The following PPARG variants were observed in gnomAD, a reference collection of about 807,000 sequenced individuals.
The protein encoded by PPARG is peroxisome proliferator activated receptor gamma.
In PPARG, 17 loss-of-function variants were observed where a neutral mutation model predicts 39.2. That is an observed-to-expected ratio of 0.43 (90% CI 0.30 to 0.65). The LOEUF (loss-of-function observed/expected upper bound fraction) is 0.65, where lower values mean the gene tolerates loss of function less well. Among genes scored for constraint, PPARG ranks in the 30% least tolerant of loss-of-function variants. PPARG has a pLI of 0.13. For synonymous variants in PPARG, 223 were observed against 215.7 expected (o/e 1.03, Z -0.30); for missense variants, 406 against 585.9 (o/e 0.69, Z 3.17).
chr3:12,411,585 A>G (rs867401408), intron 6 of PPARG, among the ~76,000 whole-genome samples: 1 of 152,216 alleles, frequency 6.6e-6, no homozygotes, highest in East Asian at 1.9e-4. Context: ...AGCAATGGAA[A>G]GGGAAAAGTT....
At chr3:12,335,524 A>G (rs754262114) in intron 2 of PPARG, among the ~76,000 whole-genome samples, 1 of 152,276 alleles carries the variant, frequency 6.6e-6, no homozygotes, top group African/African-American at 2.4e-5. Context: ...CAAATTGACT[A>G]TTGTTGTTTA....
At chr3:12,376,726 C>G (rs185263675) in intron 2 of PPARG, among the ~76,000 whole-genome samples, 3 of 152,164 alleles carry the variant, frequency 2.0e-5, no homozygotes, top group Non-Finnish European at 4.4e-5. Flanking sequence ...ATTTGCTTCC[C>G]TCCTTCCCTG....
At chr3:12,345,126 A>G (rs990296174) in intron 2 of PPARG, among the ~76,000 whole-genome samples, 4 of 152,198 alleles carry the variant, frequency 2.6e-5, no homozygotes, top group African/African-American at 9.7e-5. Context: ...GAAATTTTCA[A>G]ATAGTAATGT....
chr3:12,381,327 A>G lies in PPARG; in HGVS notation c.226A>G (p.Ile76Val), dbSNP rs1262418036. Reference protein sequence around the residue: ...DLKLQEYQSAIKVEPASPPYY... With the variant: ...DLKLQEYQSAVKVEPASPPYY... ...TCACATGTCTCCATACACAGGTGCA[A>G]TCAAAGTGGAGCCTGCATCTCCACC... The change falls in exon 4 of 8, where the codon ATC becomes GTC. Residue 76 changes from isoleucine (I) to valine (V), a missense_variant. Ile to Val is a conservative substitution (Grantham distance 29). Around this residue, in one of 2 missense-constraint regions of PPARG, gnomAD observed 131 missense variants for 127.9 expected, o/e 1.02. Transcript: ENST00000651735. 1 of 1,612,992 alleles carries G rather than the reference A, an allele frequency of 6.2e-7. No individual in the cohort carries two copies. Among genetic ancestry groups the G allele is most frequent in the Admixed American group, 1.7e-5 (1 of 59,890 alleles).
chr3:12,371,882 G>A (rs912057378), intron 2 of PPARG: 9 of 700,328 alleles, frequency 1.3e-5, no homozygotes, highest in Middle Eastern at 2.3e-4. Context: ...TCTGGATGTC[G>A]CTGTCATGAT....
At chr3:12,349,175 C>T (rs2048410921) in intron 2 of PPARG, among the ~76,000 whole-genome samples, 1 of 152,116 alleles carries the variant, frequency 6.6e-6, no homozygotes, top group Non-Finnish European at 1.5e-5. Flanking sequence ...GAAACCTTGG[C>T]TTATTATTTA....
chr3:12,415,288 A>G (rs964279688), intron 6 of PPARG, among the ~76,000 whole-genome samples: 1 of 152,176 alleles, frequency 6.6e-6, no homozygotes, highest in African/African-American at 2.4e-5. Context: ...GAAACCCCTG[A>G]TTGAGAAATT....
At chr3:12,372,036 T>C (rs2049234287) in intron 2 of PPARG, 3 of 717,792 alleles carry the variant, frequency 4.2e-6, no homozygotes, top group African/African-American at 3.5e-5. Flanking sequence ...TGAGAAGGGA[T>C]TGAAAAATCG....
chr3:12,313,965 A>G (rs552203277), intron 2 of PPARG, among the ~76,000 whole-genome samples: 7 of 152,314 alleles, frequency 4.6e-5, no homozygotes, highest in African/African-American at 1.7e-4. Flanking sequence ...GCTGCATGCA[A>G]CTTCCACTAA....
At chr3:12,418,078 CACCTCA>C (rs1166816307) in intron 7 of PPARG, among the ~76,000 whole-genome samples, 1 of 151,704 alleles carries the variant, frequency 6.6e-6, no homozygotes, top group African/African-American at 2.4e-5. Flanking sequence ...GTGATTCTCC[CACCTCA>C]GCCTCCCAAG....
chr3:12,384,041 C>A (rs2049782441), intron 4 of PPARG, among the ~76,000 whole-genome samples: 1 of 151,980 alleles, frequency 6.6e-6, no homozygotes. Flanking sequence ...TGCAAACCAT[C>A]CAAAATGTGG....
intron 3 of PPARG, among the ~76,000 whole-genome samples, chr3:12,380,550 AT>A (rs757214588): frequency 2.0e-5 from 3 of 152,220 alleles, no homozygotes; most frequent in Non-Finnish European, 4.4e-5. Context: ...GATTTTTATC[AT>A]GTGTGGGCTG....
At chr3:12,426,014 C>T (rs1322346822) in intron 7 of PPARG, among the ~76,000 whole-genome samples, 2 of 152,160 alleles carry the variant, frequency 1.3e-5, no homozygotes, top group East Asian at 3.9e-4. Context: ...ACCAGATGGG[C>T]TTGCACTGTT....
intron 2 of PPARG, chr3:12,371,710 C>T (rs2049220877): frequency 4.6e-6 from 2 of 439,050 alleles, no homozygotes; most frequent in South Asian, 3.9e-5. Context: ...CTGAGAATGC[C>T]AGGCTCAGAG....
At chr3:12,345,084 G>GT (rs56088907) in intron 2 of PPARG, among the ~76,000 whole-genome samples, 26 of 151,260 alleles carry the variant, frequency 1.7e-4, no homozygotes, top group African/African-American at 4.6e-4. Context: ...GATCCAAGGT[G>GT]TTTTTTTTTA....
At chr3:12,433,017 A>G (rs914982157) in intron 7 of PPARG, among the ~76,000 whole-genome samples, 6 of 152,270 alleles carry the variant, frequency 3.9e-5, no homozygotes, top group East Asian at 1.9e-4. Context: ...ATTGCTTGCA[A>G]TCTTACCACT....
chr3:12,293,369 T>C (rs1224295388), intron 1 of PPARG, among the ~76,000 whole-genome samples: 3 of 152,166 alleles, frequency 2.0e-5, no homozygotes, highest in African/African-American at 7.2e-5. Flanking sequence ...CCACTTTAAT[T>C]TGTGGACTCA....
At chr3:12,388,929 C>A (rs1293515996) in intron 4 of PPARG, among the ~76,000 whole-genome samples, 1 of 152,014 alleles carries the variant, frequency 6.6e-6, no homozygotes, top group Non-Finnish European at 1.5e-5. Context: ...CTGGACACAG[C>A]AGAAGAAAAA....
chr3:12,413,390 G>A (rs527865317), intron 6 of PPARG, among the ~76,000 whole-genome samples: 5 of 152,184 alleles, frequency 3.3e-5, no homozygotes, highest in Non-Finnish European at 7.3e-5. Flanking sequence ...CTTCGGAAAT[G>A]CAGTGAAAAC....
Sources: gnomAD v4.1 joint callset for allele counts (sites outside exome capture counted in the v4.1 genomes callset) on GRCh38, gnomAD v4.1.1 for gene constraint, gnomAD v4.1.1 regional missense constraint, MANE v1.5 for transcripts, NCBI Gene and HGNC (gene_info 2026-07-23, HGNC 2026-07-21) for gene names.